PCGF5: variants seen among roughly 807,000 people sequenced by gnomAD.
PCGF5 encodes the protein polycomb group RING finger protein 5.
A neutral mutation model predicts 44.3 loss-of-function variants in PCGF5; 9 were observed. The observed-to-expected ratio is 0.20, with a 90% CI of 0.12 to 0.35. The LOEUF (loss-of-function observed/expected upper bound fraction) is 0.35, where lower values mean the gene tolerates loss of function less well. Among genes scored for constraint, PCGF5 ranks in the 10% least tolerant of loss-of-function variants. The pLI is 1.00. For synonymous variants in PCGF5, 95 were observed against 102.5 expected, an observed-to-expected ratio of 0.93 and a Z score of 0.44; for missense variants, 146 against 305.3, an observed-to-expected ratio of 0.48 and a Z score of 3.89.
chr10:91,166,120 C>T (rs1468775551), intron 1 of PCGF5, among the ~76,000 whole-genome samples: 2 of 152,208 alleles, frequency 1.3e-5, no homozygotes, highest in Non-Finnish European at 2.9e-5. Context: ...AGTGAGATGA[C>T]TTGCCTAAGG....
intron 1 of PCGF5, among the ~76,000 whole-genome samples, chr10:91,179,052 G>T (rs1386900414): frequency 6.6e-6 from 1 of 152,210 alleles, no homozygotes; most frequent in Non-Finnish European, 1.5e-5. Context: ...TTAAAAGCTT[G>T]CTAGCTGCTT....
Position 91,264,428 on chromosome 10 carries a change from A to C in PCGF5, c.574-3A>C. On this transcript the variant is annotated splice_polypyrimidine_tract_variant and splice_region_variant and intron_variant, in intron 7 of 9. Transcript: ENST00000336126. ...AATAGATCTATAATGATTCTTTTTAAAGTTGGATGTGCTGTGCAATGGTGA... is the reference window on the plus strand; with the variant it reads ...AATAGATCTATAATGATTCTTTTTACAGTTGGATGTGCTGTGCAATGGTGA... 6.3e-7 allele frequency: 1 copy of C among 1,591,754 alleles called. No homozygotes were observed. The highest frequency in any genetic ancestry group is 8.5e-7 in the Non-Finnish European group (1 of 1,170,266).
intron 6 of PCGF5, among the ~76,000 whole-genome samples, chr10:91,253,302 T>C (rs1168331586): frequency 1.3e-5 from 2 of 152,044 alleles, no homozygotes; most frequent in East Asian, 3.9e-4. Context: ...TAATAGTCAA[T>C]AGGTAGTTTT....
Position 91,281,345 on chromosome 10 carries a change from A to G in PCGF5, c.*3029A>G, listed in dbSNP as rs755651665. ...CGTAATGACTTTGCTCAACTACATT[A>G]CACACTCAAATGTAATCTAAATTTA... is the stretch of plus-strand genomic sequence containing the variant. On this transcript the variant is annotated 3_prime_UTR_variant, in exon 10 of 10. Coordinates refer to ENST00000336126, the MANE Select transcript of PCGF5 (RefSeq NM_032373.5). 10 of 152,544 alleles carry G rather than the reference A, an allele frequency of 6.6e-5. No individual in the cohort carries two copies. Among genetic ancestry groups the G allele is most frequent in the Non-Finnish European group, 1.5e-4 (10 of 67,948 alleles). The allele number at this position is 152,544 out of a possible 1,614,324, so 9.4% of individuals were successfully genotyped here.
chr10:91,163,072 C>A (rs1843418705), exon 1 of PCGF5: 1 of 149,138 alleles, frequency 6.7e-6, no homozygotes, highest in East Asian at 2.0e-4. Context: ...CGTGGCCTCT[C>A]GAGAGCAAGG....
At chr10:91,270,543 C>G (rs563774738) in intron 8 of PCGF5, among the ~76,000 whole-genome samples, 2 of 152,272 alleles carry the variant, frequency 1.3e-5, no homozygotes, top group South Asian at 4.1e-4. Flanking sequence ...CTGAGCCCGC[C>G]TTACAGCATG....
chr10:91,269,111 T>G (rs1846116072), intron 8 of PCGF5, among the ~76,000 whole-genome samples: 1 of 152,200 alleles, frequency 6.6e-6, no homozygotes, highest in African/African-American at 2.4e-5. Context: ...CAAGATACTG[T>G]ATTTCCAGCA....
chr10:91,223,007 T>C, intron 2 of PCGF5, 24 bp downstream of exon 2: 3 of 1,427,378 alleles, frequency 2.1e-6, no homozygotes, highest in Non-Finnish European at 3.0e-6. Context: ...TAGGTTATTA[T>C]ACCTATCAAA....
At chr10:91,180,009 T>C (rs1414922065) in intron 1 of PCGF5, among the ~76,000 whole-genome samples, 2 of 152,126 alleles carry the variant, frequency 1.3e-5, no homozygotes, top group Non-Finnish European at 2.9e-5. Flanking sequence ...CACCAGCACC[T>C]ATTTTTTTTT....
At chr10:91,199,542 A>AAAGAAGCCC (rs921085868) in intron 1 of PCGF5, among the ~76,000 whole-genome samples, 3 of 152,372 alleles carry the variant, frequency 2.0e-5, no homozygotes, top group Admixed American at 6.5e-5. Flanking sequence ...AGTGCAGCCC[A>AAAGAAGCCC]AAGGCTTCTC....
chr10:91,278,551 T>C lies in PCGF5; in HGVS notation c.*235T>C, dbSNP rs1365860745. The C allele has an allele frequency of 2.2e-6, 1 of 460,786 alleles. No individual in the cohort carries two copies. Among genetic ancestry groups the C allele is most frequent in the African/African-American group, 2.0e-5 (1 of 50,594 alleles). 28.5% of individuals were successfully genotyped at this position (460,786 alleles called of 1,614,324 possible). On this transcript the variant is annotated 3_prime_UTR_variant, in exon 10 of 10. Coordinates refer to ENST00000336126, the MANE Select transcript of PCGF5 (RefSeq NM_032373.5). Reference sequence around the variant, plus strand: ...ATAAGGTATTTGTGTTGTCTCAAAGTGTGCAAGTCATGGTAAAAATCAGTT... The same window carrying C: ...ATAAGGTATTTGTGTTGTCTCAAAGCGTGCAAGTCATGGTAAAAATCAGTT...
chr10:91,164,373 G>C (rs1002306170), intron 1 of PCGF5, among the ~76,000 whole-genome samples: 2 of 152,208 alleles, frequency 1.3e-5, no homozygotes, highest in African/African-American at 4.8e-5. Flanking sequence ...TTGCGTTCTC[G>C]AAAGAGTTAC....
chr10:91,238,601 C>CTTTCTTTCTTTCTTTCT (rs1564644969), intron 2 of PCGF5, among the ~76,000 whole-genome samples: 5 of 58,484 alleles, frequency 8.5e-5, no homozygotes, highest in Admixed American at 2.6e-4. Context: ...TTCTTTCTTT[C>CTTTCTTTCTTTCTTTCT]TTTTTTTTTT....
At chr10:91,176,331 A>G (rs567782362) in intron 1 of PCGF5, among the ~76,000 whole-genome samples, 38 of 152,260 alleles carry the variant, frequency 2.5e-4, no homozygotes, top group South Asian at 8.3e-4. Flanking sequence ...TTTCTCTCTG[A>G]CTGCCCTTAA....
At chr10:91,177,968 G>T (rs1564625837) in intron 1 of PCGF5, among the ~76,000 whole-genome samples, 4 of 152,222 alleles carry the variant, frequency 2.6e-5, no homozygotes, top group Admixed American at 1.3e-4. Flanking sequence ...CGGTACCTCA[G>T]TTGGAAATGC....
chr10:91,195,175 C>T (rs919629408), intron 1 of PCGF5, among the ~76,000 whole-genome samples: 42 of 151,788 alleles, frequency 2.8e-4, no homozygotes, highest in African/African-American at 9.7e-4. Context: ...ACATAGATTG[C>T]CTGCAGCATT....
At chr10:91,269,997 G>A (rs1589410727) in intron 8 of PCGF5, among the ~76,000 whole-genome samples, 1 of 152,142 alleles carries the variant, frequency 6.6e-6, no homozygotes, top group Admixed American at 6.6e-5. Flanking sequence ...AAGAATTAAT[G>A]AAATATTATA....
At chr10:91,203,909 C>T (rs145780046) in intron 1 of PCGF5, among the ~76,000 whole-genome samples, 142 of 152,198 alleles carry the variant, frequency 9.3e-4, no homozygotes, top group Middle Eastern at 3.4e-3. Flanking sequence ...CAGTCAGGCC[C>T]ACATTTCTGA....
At chr10:91,260,669 A>G (rs1361966126) in intron 6 of PCGF5, among the ~76,000 whole-genome samples, 1 of 152,160 alleles carries the variant, frequency 6.6e-6, no homozygotes, top group Non-Finnish European at 1.5e-5. Context: ...AGGGACATGG[A>G]TGAAGCTGGA....
Sources: allele counts gnomAD v4.1 joint callset (sites outside exome capture counted in the v4.1 genomes callset), GRCh38; gene constraint gnomAD v4.1.1; transcripts MANE v1.5; gene names NCBI Gene and HGNC (gene_info 2026-07-23, HGNC 2026-07-21).